PLCG2: variants seen among roughly 807,000 people sequenced by gnomAD.
PLCG2 encodes the protein 1-phosphatidylinositol 4,5-bisphosphate phosphodiesterase gamma-2.
In PLCG2, 69 loss-of-function variants were observed where a neutral mutation model predicts 175.6. The ratio of observed to expected loss-of-function variants is 0.39; its 90% CI spans 0.32 to 0.48. The LOEUF is 0.48. Ranked by LOEUF, PLCG2 falls within the 20% of genes least tolerant of loss-of-function variation. The probability of loss-of-function intolerance (pLI) is 0.91; values close to 1 mark genes in which losing one functional copy is unlikely to be tolerated. For missense variants in PLCG2, 1,798 were observed against 1,650.9 expected, an observed-to-expected ratio of 1.09 and a Z score of -1.54; for synonymous variants, 827 against 624.0, an observed-to-expected ratio of 1.33 and a Z score of -4.85.
At chr16:81,912,515 C>T (rs1342955455) in intron 18 of PLCG2, 82 bp from the exon 19 acceptor site, 1 of 1,527,680 alleles carries the variant, frequency 6.5e-7, no homozygotes, top group East Asian at 2.4e-5. Flanking sequence ...GTCACTGGTG[C>T]CATTATCTTG....
intron 7 of PLCG2, among the ~76,000 whole-genome samples, chr16:81,876,472 C>T (rs1907794795): frequency 6.6e-6 from 1 of 152,162 alleles, no homozygotes; most frequent in Non-Finnish European, 1.5e-5. Context: ...CTTTCCCTCC[C>T]TTTCTTAGTG....
chr16:81,773,735 G>A (rs761879328), intron 2 of PLCG2, among the ~76,000 whole-genome samples: 2 of 152,110 alleles, frequency 1.3e-5, no homozygotes, highest in Non-Finnish European at 2.9e-5. Context: ...TTGGATATGC[G>A]TTCGCAGACT....
intron 1 of PLCG2, among the ~76,000 whole-genome samples, chr16:81,784,323 C>G (rs376636200): frequency 1.3e-5 from 2 of 152,258 alleles, no homozygotes; most frequent in East Asian, 3.8e-4. Context: ...AACTGAGACC[C>G]TGGTAAATGC....
chr16:81,939,117 G>T (rs748318029), intron 29 of PLCG2, among the ~76,000 whole-genome samples: 21 of 152,252 alleles, frequency 1.4e-4, no homozygotes, highest in Non-Finnish European at 2.9e-4. Flanking sequence ...CCCCAGTGCT[G>T]TTTGCCTGCC....
intron 10 of PLCG2, among the ~76,000 whole-genome samples, chr16:81,889,887 C>G (rs1041377577): frequency 2.6e-5 from 4 of 152,082 alleles, no homozygotes; most frequent in African/African-American, 9.7e-5. Flanking sequence ...ACTTCCTGAC[C>G]CTTGTGATCA....
intron 12 of PLCG2, chr16:81,895,591 T>C (rs1908845977): frequency 2.1e-6 from 1 of 482,012 alleles, no homozygotes; most frequent in Non-Finnish European, 3.7e-6. Flanking sequence ...AAAAGCAGCA[T>C]TGAAACTAGC....
chr16:81,769,625 TA>T (rs1287099567), intron 2 of PLCG2, among the ~76,000 whole-genome samples: 2 of 148,290 alleles, frequency 1.3e-5, no homozygotes, highest in African/African-American at 2.5e-5. Context: ...CCATCCCGGC[TA>T]AAAAAACGGT....
chr16:81,837,792 T>A (rs544306218), intron 2 of PLCG2, among the ~76,000 whole-genome samples: 49 of 151,578 alleles, frequency 3.2e-4, no homozygotes, highest in South Asian at 1.5e-3. Context: ...TACAGAGAGA[T>A]CTCATGTGAA....
chr16:81,753,342 G>GTTTTTTTTTT (rs34438350), intron 1 of PLCG2, among the ~76,000 whole-genome samples: 62 of 91,112 alleles, frequency 6.8e-4, no homozygotes, highest in African/African-American at 1.3e-3. Context: ...GTCCTGGCAG[G>GTTTTTTTTTT]TTTTTTTTTT....
chr16:81,824,783 G>A (rs1356355075), intron 2 of PLCG2, among the ~76,000 whole-genome samples: 1 of 140,506 alleles, frequency 7.1e-6, no homozygotes, highest in Non-Finnish European at 1.6e-5. Flanking sequence ...CCCCAAAGGT[G>A]TCCATGTCCT....
At chr16:81,882,414 G>T (rs1016257455) in intron 8 of PLCG2, among the ~76,000 whole-genome samples, 14 of 152,172 alleles carry the variant, frequency 9.2e-5, no homozygotes, top group African/African-American at 3.1e-4. Context: ...GCCTCATGTG[G>T]CTCCCACTCC....
intron 2 of PLCG2, among the ~76,000 whole-genome samples, chr16:81,853,690 GA>G (rs1906538067): frequency 6.6e-6 from 1 of 152,136 alleles, no homozygotes; most frequent in Non-Finnish European, 1.5e-5. Flanking sequence ...GGGGGTTGGG[GA>G]ATCCCTGATT....
chr16:81,805,094 C>T (rs1911933131), intron 2 of PLCG2, among the ~76,000 whole-genome samples: 2 of 152,144 alleles, frequency 1.3e-5, no homozygotes, highest in Non-Finnish European at 1.5e-5. Context: ...TCACCATGTG[C>T]CAGAAAACCT....
chr16:81,758,677 CTT>C (rs35302433), intron 2 of PLCG2, among the ~76,000 whole-genome samples: 105 of 144,004 alleles, frequency 7.3e-4, no homozygotes, highest in South Asian at 1.1e-3. Flanking sequence ...GTCCATCTCT[CTT>C]TTTTTTTTTT....
chr16:81,887,443 A>G lies in PLCG2; in HGVS notation c.766-1729A>G, dbSNP rs1159614230. ...CTAGTATTTTAATAAAATATCCCAC[A>G]ATTTGGGTTTCATGTTCTAGTATTC... On this transcript the variant is annotated intron_variant, in intron 9 of 32. Transcript: ENST00000564138. Among the ~76,000 whole-genome samples the G allele has an allele frequency of 9.9e-5, 15 of 152,098 alleles. 1 individual carries two copies. Among genetic ancestry groups the G allele is most frequent in the Non-Finnish European group, 2.9e-5 (2 of 68,010 alleles).
chr16:81,804,669 G>A (rs1446184074), intron 2 of PLCG2, among the ~76,000 whole-genome samples: 1 of 152,182 alleles, frequency 6.6e-6, no homozygotes, highest in Non-Finnish European at 1.5e-5. Context: ...TCATTTCAAG[G>A]TTTAACGCCT....
At chr16:81,887,882 G>T (rs1326286176) in intron 9 of PLCG2, among the ~76,000 whole-genome samples, 17 of 152,138 alleles carry the variant, frequency 1.1e-4, no homozygotes, top group Admixed American at 1.1e-3. Context: ...TTTTTTAAAG[G>T]GTTTCTAGAA....
intron 2 of PLCG2, among the ~76,000 whole-genome samples, chr16:81,819,720 G>C (rs565221214): frequency 2.6e-5 from 4 of 152,304 alleles, no homozygotes; most frequent in Admixed American, 1.3e-4. Flanking sequence ...GAGCAGCTGG[G>C]ATTACAGGTA....
At chr16:81,746,304 G>C (rs949625867) in intron 1 of PLCG2, among the ~76,000 whole-genome samples, 1 of 152,230 alleles carries the variant, frequency 6.6e-6, no homozygotes, top group African/African-American at 2.4e-5. Flanking sequence ...GGTGCCTTGA[G>C]TGCTTGAGTT....
Sources: allele counts gnomAD v4.1 joint callset (sites outside exome capture counted in the v4.1 genomes callset), GRCh38; gene constraint gnomAD v4.1.1; transcripts MANE v1.5; gene names NCBI Gene and HGNC (gene_info 2026-07-23, HGNC 2026-07-21).